NAV1: variants seen among roughly 807,000 people sequenced by gnomAD.
The protein encoded by NAV1 is pore membrane and/or filament interacting like protein 3.
In NAV1, 18 loss-of-function variants were observed where a neutral mutation model predicts 175.2. The ratio of observed to expected loss-of-function variants is 0.10; its 90% confidence interval spans 0.07 to 0.15. The LOEUF (loss-of-function observed/expected upper bound fraction) is 0.15, where lower values mean the gene tolerates loss of function less well. Among genes scored for constraint, NAV1 ranks in the 10% least tolerant of loss-of-function variants. The pLI is 1.00. For missense variants in NAV1, 1,731 were observed against 2,436.6 expected, an observed-to-expected ratio of 0.71 and a Z score of 6.10; for synonymous variants, 897 against 978.7, an observed-to-expected ratio of 0.92 and a Z score of 1.56.
Position 201,808,223 on chromosome 1 carries a change from A to G in NAV1, c.3845+74A>G. ...TGTGGGCTAGAGTTGACAGGAGGCC[A>G]TTAGACCTTAGACAAGCAGTACTTA... On this transcript the variant is annotated intron_variant, in intron 18 of 29. Coordinates refer to ENST00000367296, the Ensembl canonical transcript of NAV1. This position sits in a 1 kb window ranked among gnomAD's most constrained non-coding sequence, Gnocchi z 5.5. 1 of 1,544,238 alleles carries G rather than the reference A, an allele frequency of 6.5e-7. No homozygotes were observed. Among genetic ancestry groups the G allele is most frequent in the Admixed American group, 1.7e-5 (1 of 57,378 alleles).
At chr1:201,761,696 G>A (rs1168660463) in intron 3 of NAV1, among the ~76,000 whole-genome samples, 2 of 152,140 alleles carry the variant, frequency 1.3e-5, no homozygotes. Flanking sequence ...ACCAAAAATG[G>A]TTTTTGCTTC....
chr1:201,572,370 C>CTTTT (rs558471603), intron 1 of NAV1, among the ~76,000 whole-genome samples: 15 of 136,464 alleles, frequency 1.1e-4, no homozygotes, highest in African/African-American at 1.1e-4. Flanking sequence ...TTCTTTCTTT[C>CTTTT]TTTTTTTTTT....
intron 2 of NAV1, among the ~76,000 whole-genome samples, chr1:201,635,863 A>G (rs1668604785): frequency 6.6e-6 from 1 of 152,170 alleles, no homozygotes; most frequent in Non-Finnish European, 1.5e-5. Context: ...AGGTTCTGGG[A>G]AAAAGGACAC....
intron 1 of NAV1, among the ~76,000 whole-genome samples, chr1:201,557,111 C>A (rs1666044334): frequency 1.6e-5 from 1 of 61,496 alleles, no homozygotes. Flanking sequence ...AGTTTGGTGT[C>A]AAGTTGAAGA....
At chr1:201,576,344 T>C (rs769021975) in intron 1 of NAV1, among the ~76,000 whole-genome samples, 3 of 152,238 alleles carry the variant, frequency 2.0e-5, no homozygotes, top group Non-Finnish European at 4.4e-5. Context: ...ATAGTTCAGT[T>C]GTTTCTGTTG....
chr1:201,720,379 G>C (rs1353037262), intron 3 of NAV1, among the ~76,000 whole-genome samples: 2 of 152,230 alleles, frequency 1.3e-5, no homozygotes, highest in African/African-American at 2.4e-5. Context: ...CAGGGGAAGT[G>C]ATAGGACCCC....
chr1:201,551,982 C>A (rs1220528687), intron 1 of NAV1, among the ~76,000 whole-genome samples: 1 of 152,236 alleles, frequency 6.6e-6, no homozygotes, highest in Non-Finnish European at 1.5e-5. Context: ...CATCACCCCT[C>A]TTAGTCATCT....
intron 13 of NAV1, chr1:201,793,247 T>C (rs1311137934): frequency 1.3e-5 from 2 of 153,408 alleles, no homozygotes; most frequent in Non-Finnish European, 2.9e-5. Flanking sequence ...CCTCTGCAGT[T>C]TCCTTCCAGC....
At chr1:201,765,802 C>T (rs909557321) in intron 3 of NAV1, among the ~76,000 whole-genome samples, 1 of 152,100 alleles carries the variant, frequency 6.6e-6, no homozygotes, top group African/African-American at 2.4e-5. Context: ...AAAATGGTAG[C>T]CTCCAAAATT....
intron 1 of NAV1, among the ~76,000 whole-genome samples, chr1:201,660,844 G>A (rs1669582575): frequency 6.6e-6 from 1 of 152,214 alleles, no homozygotes; most frequent in South Asian, 2.1e-4. Context: ...AACTGTGGTT[G>A]CTGGATTGTG....
At chr1:201,547,763 C>T (rs941975293) in intron 1 of NAV1, among the ~76,000 whole-genome samples, 9 of 152,168 alleles carry the variant, frequency 5.9e-5, no homozygotes, top group African/African-American at 2.2e-4. Flanking sequence ...ACATTCCACA[C>T]ATTCTGTATC....
chr1:201,662,625 G>C (rs12093168), intron 1 of NAV1, among the ~76,000 whole-genome samples: 1 of 152,196 alleles, frequency 6.6e-6, no homozygotes, highest in African/African-American at 2.4e-5. Flanking sequence ...CACAGCAGGG[G>C]GGGTAATTAT....
chr1:201,651,305 C>G (rs1034314963), intron 1 of NAV1, among the ~76,000 whole-genome samples: 1 of 152,034 alleles, frequency 6.6e-6, no homozygotes, highest in African/African-American at 2.4e-5. Flanking sequence ...CCTGGATGCC[C>G]TCACACTGTC....
Position 201,817,069 on chromosome 1 carries a change from T to C in NAV1, c.5341-19T>C, listed in dbSNP as rs1679087369. 1 of 1,611,576 alleles carries C rather than the reference T, an allele frequency of 6.2e-7. No individual in the cohort carries two copies. The highest frequency in any genetic ancestry group is 1.7e-5 in the Admixed American group (1 of 59,980). ...ATCTGTTAATTCCCCACAGTAATCATATTTCACCTTCTTTCCAGGTCCATG... is the reference window on the plus strand; with the variant it reads ...ATCTGTTAATTCCCCACAGTAATCACATTTCACCTTCTTTCCAGGTCCATG... On this transcript the variant is annotated intron_variant, in intron 28 of 29. Coordinates refer to ENST00000367296, the Ensembl canonical transcript of NAV1.
chr1:201,705,247 C>T (rs536738609), intron 1 of NAV1, among the ~76,000 whole-genome samples: 7 of 152,320 alleles, frequency 4.6e-5, no homozygotes, highest in South Asian at 4.1e-4. Flanking sequence ...AAATCAAAAC[C>T]GTAGGTGATC....
Position 201,632,197 on chromosome 1 carries a change from T to C in NAV1, c.4+2690T>C, listed in dbSNP as rs75201476. Among the ~76,000 whole-genome samples, 609 of 152,354 alleles carry C rather than the reference T, an allele frequency of 4.0e-3. 4 individuals are homozygous for C. Among genetic ancestry groups the C allele is most frequent in the African/African-American group, 0.014 (569 of 41,572 alleles). On this transcript the variant is annotated intron_variant, in intron 2 of 29. Coordinates refer to the NAV1 transcript ENST00000367302. ...CCACTTTCTTAATCTGCTTGGACTC[T>C]GGGCATAGAGTCCAAACAAGGCTTT... is the stretch of plus-strand genomic sequence containing the variant.
In NAV1 at chr1:201,808,043, G is replaced by A. The variant is rs760904317; in HGVS notation, c.3739G>A (p.Asp1247Asn). Residue 1247 changes from aspartate to asparagine, a missense_variant, in exon 18 of 30, where the codon GAC becomes AAC. Physicochemically the swap from Asp to Asn is conservative, Grantham distance 23. Coordinates refer to ENST00000367296, the Ensembl canonical transcript of NAV1. The surrounding 1 kb of genome is among the most constrained non-coding windows in gnomAD (Gnocchi z 5.5). The stretch of plus-strand genomic sequence containing the variant: ...GGATATAGAGGAGATTGCTACACCC[G>A]ACTCTTCAGCCCCCTCATCCCCCAA... 37 of 1,614,042 alleles carry A rather than the reference G, an allele frequency of 2.3e-5. No homozygotes were observed. The highest frequency in any genetic ancestry group is 1.1e-4 in the East Asian group (5 of 44,888).
chr1:201,591,396 G>A (rs753544182), intron 2 of NAV1, among the ~76,000 whole-genome samples: 1 of 152,130 alleles, frequency 6.6e-6, no homozygotes, highest in African/African-American at 2.4e-5. Context: ...AGGAGAGGAA[G>A]GGCTGTTCAC....
chr1:201,588,870 T>G (rs1667111553), intron 2 of NAV1, among the ~76,000 whole-genome samples: 1 of 151,990 alleles, frequency 6.6e-6, no homozygotes, highest in African/African-American at 2.4e-5. Context: ...TTTTTTGAAA[T>G]GGAGTCTCGC....
Sources: gnomAD v4.1 joint callset for allele counts (sites outside exome capture counted in the v4.1 genomes callset) on GRCh38, gnomAD v4.1.1 for gene constraint, Gnocchi (gnomAD v3.1) non-coding constraint, MANE v1.5 for transcripts, NCBI Gene and HGNC (gene_info 2026-07-23, HGNC 2026-07-21) for gene names.